The following PPP4R3A variants were observed in gnomAD, a reference collection of about 807,000 sequenced individuals.
PPP4R3A encodes the protein protein phosphatase 4 regulatory subunit 3A, also known as serine/threonine-protein phosphatase 4 regulatory subunit 3A.
In PPP4R3A, 15 loss-of-function variants were observed where a neutral mutation model predicts 91.7. The ratio of observed to expected loss-of-function variants is 0.16; its 90% CI spans 0.11 to 0.25. PPP4R3A has a LOEUF of 0.25. PPP4R3A is among the 10% of genes least tolerant of loss of function. The pLI, the probability that PPP4R3A is intolerant of heterozygous loss-of-function variation, is 1.00. For missense variants in PPP4R3A, 623 were observed against 998.4 expected (o/e 0.62, Z 5.07); for synonymous variants, 377 against 348.7 (o/e 1.08, Z -0.91).
intron 2 of PPP4R3A, among the ~76,000 whole-genome samples, chr14:91,490,496 AAAC>A (rs1233043981): frequency 6.6e-6 from 1 of 152,246 alleles, no homozygotes; most frequent in Non-Finnish European, 1.5e-5. Flanking sequence ...TTTTAGGTAA[AAAC>A]AAGGAAATTT....
Position 91,458,184 on chromosome 14 carries a change from T to TA in PPP4R3A, c.*574dup, listed in dbSNP as rs878988706. On this transcript the variant is annotated 3_prime_UTR_variant, in exon 15 of 15. Transcript: ENST00000554943. ...AATCAAGTAGGGAGAAGTCCCCACT[T>TA]AAAAAAAAAAATATCTGCAGTTTGA... The TA allele has an allele frequency of 4.8e-3, 721 of 148,694 alleles. 4 individuals are homozygous for TA. Among genetic ancestry groups the TA allele is most frequent in the Middle Eastern group, 0.014 (4 of 290 alleles). 9.2% of individuals were successfully genotyped at this position (148,694 alleles called of 1,614,324 possible).
chr14:91,493,183 G>C (rs1386103850), intron 1 of PPP4R3A, among the ~76,000 whole-genome samples: 1 of 151,992 alleles, frequency 6.6e-6, no homozygotes, highest in African/African-American at 2.4e-5. Context: ...GAGGTCAGGA[G>C]TTTGAGACCA....
intron 2 of PPP4R3A, among the ~76,000 whole-genome samples, chr14:91,489,455 A>G (rs1890101903): frequency 6.6e-6 from 1 of 152,224 alleles, no homozygotes; most frequent in South Asian, 2.1e-4. Context: ...TTAATTACCC[A>G]TTTGACAAAT....
In PPP4R3A at chr14:91,475,894, T is replaced by C. The variant is rs760440115; in HGVS notation, c.1183A>G (p.Met395Val). 1 of 1,613,676 alleles carries C rather than the reference T, an allele frequency of 6.2e-7. No homozygotes were observed. The highest frequency in any genetic ancestry group is 1.1e-5 in the South Asian group (1 of 90,978). The change falls in exon 7 of 15, where the codon ATG (methionine) becomes GTG (valine). Residue 395 changes from methionine to valine, a missense_variant. Coordinates refer to ENST00000554943, the MANE Select transcript of PPP4R3A (RefSeq NM_001366432.2). Reference sequence around the variant, plus strand: ...TCCTGCATGACAAACTCTCGTACCATGGATGGATTATATTCAACCAAGTAT... The same window carrying C: ...TCCTGCATGACAAACTCTCGTACCACGGATGGATTATATTCAACCAAGTAT... ...FSYLVEYNPS[M>V]VREFVMQEAQ...
At chr14:91,471,017 T>G in intron 9 of PPP4R3A, 22 bp from the exon 10 acceptor site, 1 of 1,555,472 alleles carries the variant, frequency 6.4e-7, no homozygotes, top group African/African-American at 1.4e-5. Context: ...AAAACACAAC[T>G]AATTATATTT....
chr14:91,505,316 G>A (rs1408809962), intron 1 of PPP4R3A, among the ~76,000 whole-genome samples: 2 of 152,080 alleles, frequency 1.3e-5, no homozygotes, highest in African/African-American at 4.8e-5. Context: ...AGCCATGCAT[G>A]ATGGCAGACG....
chr14:91,483,838 A>G (rs1322593704), intron 3 of PPP4R3A, among the ~76,000 whole-genome samples: 3 of 152,218 alleles, frequency 2.0e-5, no homozygotes, highest in Non-Finnish European at 4.4e-5. Context: ...AAGATGATGA[A>G]AAACTTTATG....
chr14:91,507,085 G>A (rs570023503), intron 1 of PPP4R3A, among the ~76,000 whole-genome samples: 16 of 152,006 alleles, frequency 1.1e-4, no homozygotes, highest in Non-Finnish European at 1.5e-4. Flanking sequence ...TTGGGAGGCC[G>A]AGGCGGGTGG....
At chr14:91,460,615 AT>A (rs1198147718) in intron 14 of PPP4R3A, among the ~76,000 whole-genome samples, 4 of 123,816 alleles carry the variant, frequency 3.2e-5, no homozygotes, top group Admixed American at 2.4e-4. Context: ...TGTTTTCTAC[AT>A]TTTTTCTTAA....
At chr14:91,509,460 G>C (rs768745650) in intron 1 of PPP4R3A, 46 bp downstream of exon 1, 6 of 1,546,570 alleles carry the variant, frequency 3.9e-6, no homozygotes, top group Non-Finnish European at 5.2e-6. Flanking sequence ...AGGCGGCCCA[G>C]GGCCGTGGGG....
chr14:91,484,567 GAA>G (rs1889773480), intron 3 of PPP4R3A, among the ~76,000 whole-genome samples: 1 of 152,174 alleles, frequency 6.6e-6, no homozygotes, highest in African/African-American at 2.4e-5. Context: ...TTTTTACAGA[GAA>G]AAGTCTGGCC....
chr14:91,479,649 T>C (rs918395610), intron 4 of PPP4R3A, among the ~76,000 whole-genome samples: 3 of 152,128 alleles, frequency 2.0e-5, no homozygotes, highest in African/African-American at 7.2e-5. Context: ...ATTCAAATGA[T>C]TCTCTCGTCT....
intron 7 of PPP4R3A, 21 bp downstream of exon 7, chr14:91,475,790 A>T: frequency 6.3e-7 from 1 of 1,592,776 alleles, no homozygotes; most frequent in Non-Finnish European, 8.6e-7. Context: ...AATACTTACT[A>T]TTAGTACAAA....
intron 3 of PPP4R3A, 74 bp downstream of exon 3, chr14:91,485,558 G>A (rs954276886): frequency 1.1e-6 from 1 of 937,270 alleles, no homozygotes; most frequent in Non-Finnish European, 1.6e-6. Context: ...TAAACTCTTG[G>A]GCATTAGTTG....
At chr14:91,502,342 C>T (rs1281057135) in intron 1 of PPP4R3A, among the ~76,000 whole-genome samples, 1 of 152,126 alleles carries the variant, frequency 6.6e-6, no homozygotes, top group African/African-American at 2.4e-5. Flanking sequence ...AGGAGGATTA[C>T]TTGAGCCTAA....
chr14:91,509,101 C>CA (rs1287706251), intron 1 of PPP4R3A, among the ~76,000 whole-genome samples: 1 of 152,184 alleles, frequency 6.6e-6, no homozygotes, highest in Non-Finnish European at 1.5e-5. Flanking sequence ...TTCTTAGCTC[C>CA]AAGCAAAGTT....
At chr14:91,501,871 A>ATTTTTTTTTTTTTTTTTT (rs755484959) in intron 1 of PPP4R3A, among the ~76,000 whole-genome samples, 1 of 100,238 alleles carries the variant, frequency 1.0e-5, no homozygotes. Flanking sequence ...AGCCCGGCTA[A>ATTTTTTTTTTTTTTTTTT]TTTTTTTTTT....
chr14:91,482,233 G>C, intron 3 of PPP4R3A, 40 bp from the exon 4 acceptor site: 1 of 1,538,902 alleles, frequency 6.5e-7, no homozygotes, highest in Non-Finnish European at 8.7e-7. Flanking sequence ...ATAGATAACA[G>C]GTGACCAGCA....
chr14:91,470,439 C>T (rs1237344677), intron 10 of PPP4R3A, among the ~76,000 whole-genome samples: 1 of 152,140 alleles, frequency 6.6e-6, no homozygotes, highest in Non-Finnish European at 1.5e-5. Context: ...CATATGGTCT[C>T]TGTACCATAT....
Sources: allele counts gnomAD v4.1 joint callset (sites outside exome capture counted in the v4.1 genomes callset), GRCh38; gene constraint gnomAD v4.1.1; transcripts MANE v1.5; gene names NCBI Gene and HGNC (gene_info 2026-07-23, HGNC 2026-07-21).